TENM3: variants seen among roughly 807,000 people sequenced by gnomAD.
TENM3 encodes teneurin-3.
In TENM3, 63 loss-of-function variants were observed where a neutral mutation model predicts 255.1. That is an observed-to-expected ratio of 0.25 (90% confidence interval 0.20 to 0.30). TENM3 has a LOEUF of 0.30. Among genes scored for constraint, TENM3 ranks in the 10% least tolerant of loss-of-function variants. The pLI, the probability that TENM3 is intolerant of heterozygous loss-of-function variation, is 1.00. For synonymous variants in TENM3, 1,306 were observed against 1,322.3 expected, an observed-to-expected ratio of 0.99 and a Z score of 0.27; for missense variants, 2,929 against 3,461.1, an observed-to-expected ratio of 0.85 and a Z score of 3.86.
chr4:181,782,086 T>G, the TENM3 span, among the ~76,000 whole-genome samples: 27,145 of 152,082 alleles, frequency 0.18, 3,206 homozygotes, highest in Non-Finnish European at 0.26. Context: ...TTCTTTTTTT[T>G]TTGTTGTATC....
chr4:181,867,124 C>T, the TENM3 span, among the ~76,000 whole-genome samples: 1 of 152,116 alleles, frequency 6.6e-6, no homozygotes, highest in African/African-American at 2.4e-5. Context: ...GGCCTGGACT[C>T]GTAGCTTTCT....
chr4:182,371,772 C>G (rs972792595), intron 3 of TENM3, among the ~76,000 whole-genome samples: 1 of 152,166 alleles, frequency 6.6e-6, no homozygotes, highest in African/African-American at 2.4e-5. Context: ...TTTAAATTTC[C>G]TCATAACTGA....
intron 3 of TENM3, among the ~76,000 whole-genome samples, chr4:182,389,342 A>T (rs1768239583): frequency 1.3e-5 from 2 of 151,122 alleles, no homozygotes; most frequent in African/African-American, 4.9e-5. Flanking sequence ...CCTCTGTTGT[A>T]GCCATTTCAG....
chr4:182,063,566 T>G, the TENM3 span, among the ~76,000 whole-genome samples: 6 of 152,236 alleles, frequency 3.9e-5, no homozygotes, highest in African/African-American at 1.4e-4. Flanking sequence ...GAAAAAGACC[T>G]TGGACATAAA....
chr4:182,288,596 A>G (rs886163334), intron 1 of TENM3, among the ~76,000 whole-genome samples: 3 of 152,210 alleles, frequency 2.0e-5, no homozygotes, highest in Non-Finnish European at 4.4e-5. Context: ...GGCTCCAACT[A>G]CTACGTGGCA....
chr4:182,392,485 A>G (rs1333065182), intron 3 of TENM3, among the ~76,000 whole-genome samples: 2 of 152,242 alleles, frequency 1.3e-5, no homozygotes, highest in Admixed American at 1.3e-4. Flanking sequence ...TGGTACGTCC[A>G]GCCACCAATC....
chr4:182,234,881 T>C (rs1756801794), intron 1 of TENM3, among the ~76,000 whole-genome samples: 1 of 152,124 alleles, frequency 6.6e-6, no homozygotes, highest in Non-Finnish European at 1.5e-5. Context: ...CAGGAGAAGC[T>C]AACTTGCGGG....
chr4:181,467,050 A>G, the TENM3 span, among the ~76,000 whole-genome samples: 1 of 135,914 alleles, frequency 7.4e-6, no homozygotes, highest in Non-Finnish European at 1.5e-5. Context: ...GAACTGGGTA[A>G]TATTTTACTA....
the TENM3 span, among the ~76,000 whole-genome samples, chr4:181,978,184 G>A: frequency 1.3e-5 from 2 of 152,164 alleles, no homozygotes; most frequent in East Asian, 3.9e-4. Flanking sequence ...TAACTCTTGG[G>A]GCTGGAAGGG....
At chr4:181,665,968 G>T in the TENM3 span, among the ~76,000 whole-genome samples, 7 of 152,062 alleles carry the variant, frequency 4.6e-5, no homozygotes, top group African/African-American at 1.7e-4. Flanking sequence ...GTCTTCCACA[G>T]TAGTGAATAG....
chr4:181,666,370 T>A, the TENM3 span, among the ~76,000 whole-genome samples: 1 of 152,248 alleles, frequency 6.6e-6, no homozygotes, highest in Admixed American at 6.5e-5. Context: ...TATAAAAACT[T>A]CCAAAATTCA....
intron 6 of TENM3, among the ~76,000 whole-genome samples, chr4:182,663,483 A>G (rs1056561086): frequency 6.6e-6 from 1 of 152,232 alleles, no homozygotes; most frequent in Admixed American, 6.5e-5. Context: ...TGTGTTAAAC[A>G]TTTTGATAAT....
chr4:181,489,765 A>C, the TENM3 span, among the ~76,000 whole-genome samples: 1 of 152,206 alleles, frequency 6.6e-6, no homozygotes, highest in African/African-American at 2.4e-5. Flanking sequence ...TTTAAACTTT[A>C]TAATAAAGTA....
intron 3 of TENM3, among the ~76,000 whole-genome samples, chr4:182,385,557 G>A (rs529063317): frequency 6.4e-4 from 97 of 152,202 alleles, no homozygotes; most frequent in African/African-American, 2.1e-3. Flanking sequence ...GAGCCACCGC[G>A]CCCAGCCAGT....
At chr4:182,124,897 G>A in the TENM3 span, among the ~76,000 whole-genome samples, 3 of 152,062 alleles carry the variant, frequency 2.0e-5, no homozygotes, top group African/African-American at 7.3e-5. Context: ...AGCTGGGACG[G>A]TGAATCTTCC....
At chr4:182,731,568 T>G (rs1760710318) in intron 16 of TENM3, among the ~76,000 whole-genome samples, 1 of 151,730 alleles carries the variant, frequency 6.6e-6, no homozygotes, top group Admixed American at 6.6e-5. Flanking sequence ...CAGTGCTATC[T>G]TTAAATAATT....
chr4:181,466,896 A>G, the TENM3 span, among the ~76,000 whole-genome samples: 1 of 151,640 alleles, frequency 6.6e-6, no homozygotes, highest in African/African-American at 2.4e-5. Context: ...TATCTAAAAC[A>G]GTGGGTCCTC....
intron 3 of TENM3, among the ~76,000 whole-genome samples, chr4:182,546,669 A>G (rs1206876926): frequency 6.6e-6 from 1 of 152,132 alleles, no homozygotes; most frequent in Non-Finnish European, 1.5e-5. Context: ...GAAAACCGAC[A>G]ATCTTTTATT....
chr4:182,197,519 T>C (rs969948972), intron 1 of TENM3, among the ~76,000 whole-genome samples: 9 of 152,008 alleles, frequency 5.9e-5, no homozygotes, highest in Admixed American at 5.9e-4. Context: ...ACTTAATAAA[T>C]ACTCAAAAAA....
Sources: gnomAD v4.1 joint callset for allele counts (sites outside exome capture counted in the v4.1 genomes callset) on GRCh38, gnomAD v4.1.1 for gene constraint, MANE v1.5 for transcripts, NCBI Gene and HGNC (gene_info 2026-07-23, HGNC 2026-07-21) for gene names.